SMYD3: variants seen among roughly 807,000 people sequenced by gnomAD.
The protein encoded by SMYD3 is histone-lysine N-methyltransferase SMYD3.
SMYD3 carries 36 observed loss-of-function variants against 57.7 expected under a neutral mutation model. The observed-to-expected ratio is 0.62, with a 90% CI of 0.48 to 0.82. The LOEUF (loss-of-function observed/expected upper bound fraction) is 0.82. SMYD3 is among the 40% of genes least tolerant of loss of function. SMYD3 has a pLI of 0.00. For missense variants in SMYD3, 515 were observed against 538.8 expected, an observed-to-expected ratio of 0.96 and a Z score of 0.44; for synonymous variants, 211 against 195.0, an observed-to-expected ratio of 1.08 and a Z score of -0.68.
At chr1:246,153,546 C>T (rs113711129) in intron 5 of SMYD3, among the ~76,000 whole-genome samples, 1 of 152,218 alleles carries the variant, frequency 6.6e-6, no homozygotes, top group Non-Finnish European at 1.5e-5. Flanking sequence ...TAGCTCACTA[C>T]AGCCTTGAAC....
chr1:246,082,021 G>C (rs879854255), intron 5 of SMYD3, among the ~76,000 whole-genome samples: 1 of 152,168 alleles, frequency 6.6e-6, no homozygotes, highest in East Asian at 1.9e-4. Context: ...GGAATCTGGC[G>C]TGACTAACTT....
rs563020882 is a variant in SMYD3, at chr1:246,338,306, G to A, written c.229-2832C>T. 5.3e-5 allele frequency among the ~76,000 whole-genome samples: 8 copies of A among 152,234 alleles called. No homozygotes were observed. In the East Asian group the frequency reaches 7.7e-4, roughly 15 times the overall value. On this transcript the variant is annotated intron_variant, in intron 2 of 11. Coordinates refer to ENST00000490107, the MANE Select transcript of SMYD3 (RefSeq NM_001167740.2). Reference sequence around the variant, plus strand: ...AAGGCTTACAAAGAAATCTTTTTACGCAGCTCCTTTGACTTTGAAGCAAAA... The same window carrying A: ...AAGGCTTACAAAGAAATCTTTTTACACAGCTCCTTTGACTTTGAAGCAAAA...
intron 5 of SMYD3, among the ~76,000 whole-genome samples, chr1:246,151,409 C>T (rs1268344996): frequency 6.6e-6 from 1 of 151,860 alleles, no homozygotes; most frequent in Non-Finnish European, 1.5e-5. Context: ...GGGTTCATGG[C>T]CAAGGTGTTT....
intron 1 of SMYD3, among the ~76,000 whole-genome samples, chr1:246,415,668 C>G (rs981122285): frequency 6.6e-6 from 1 of 152,192 alleles, no homozygotes; most frequent in African/African-American, 2.4e-5. Flanking sequence ...AAGTGATCCT[C>G]CTGCCTCAGC....
intron 5 of SMYD3, among the ~76,000 whole-genome samples, chr1:246,045,081 C>T (rs971633401): frequency 6.6e-6 from 1 of 152,128 alleles, no homozygotes; most frequent in Non-Finnish European, 1.5e-5. Context: ...CATTCAATGC[C>T]ATCCCCATCA....
intron 5 of SMYD3, among the ~76,000 whole-genome samples, chr1:245,941,799 A>AGGTAT (rs2057255266): frequency 3.9e-5 from 6 of 152,210 alleles, no homozygotes; most frequent in Admixed American, 3.9e-4. Context: ...CTGGGATTAC[A>AGGTAT]GGTATAAGCC....
chr1:246,038,653 A>G (rs2059818835), intron 5 of SMYD3, among the ~76,000 whole-genome samples: 1 of 152,212 alleles, frequency 6.6e-6, no homozygotes, highest in Non-Finnish European at 1.5e-5. Context: ...CACCCATTCT[A>G]TCAGGCTTTG....
At chr1:246,358,405 T>C (rs1355559703) in intron 1 of SMYD3, among the ~76,000 whole-genome samples, 11 of 152,164 alleles carry the variant, frequency 7.2e-5, no homozygotes, top group Non-Finnish European at 1.5e-5. Flanking sequence ...AGATAGGTCA[T>C]CAAGACAGAA....
At chr1:245,840,992 G>A (rs72766659) in intron 10 of SMYD3, among the ~76,000 whole-genome samples, 99 of 152,336 alleles carry the variant, frequency 6.5e-4, no homozygotes, top group Non-Finnish European at 1.0e-3. Flanking sequence ...TTCACAGACC[G>A]TGAGTTGTCC....
At chr1:246,241,552 T>C (rs1012945615) in intron 5 of SMYD3, among the ~76,000 whole-genome samples, 4 of 152,200 alleles carry the variant, frequency 2.6e-5, no homozygotes, top group African/African-American at 9.7e-5. Context: ...TCTAAAATTA[T>C]CTTTTTTTTG....
At chr1:246,449,988 T>G (rs1008302171) in intron 1 of SMYD3, among the ~76,000 whole-genome samples, 24 of 152,132 alleles carry the variant, frequency 1.6e-4, no homozygotes, top group African/African-American at 5.3e-4. Context: ...AACTAGTTCA[T>G]GTAAAATCTC....
At chr1:246,004,270 A>C (rs575460946) in intron 5 of SMYD3, among the ~76,000 whole-genome samples, 43 of 152,328 alleles carry the variant, frequency 2.8e-4, no homozygotes, top group African/African-American at 9.1e-4. Context: ...GATTTGTTTT[A>C]TAAAAATGCA....
intron 1 of SMYD3, among the ~76,000 whole-genome samples, chr1:246,433,697 C>T (rs2067330983): frequency 6.6e-6 from 1 of 152,126 alleles, no homozygotes; most frequent in Non-Finnish European, 1.5e-5. Context: ...AGCCATACTG[C>T]CCAAAGCAAT....
intron 10 of SMYD3, among the ~76,000 whole-genome samples, chr1:245,815,775 C>G (rs181565698): frequency 9.0e-4 from 137 of 152,334 alleles, no homozygotes; most frequent in African/African-American, 3.2e-3. Context: ...CCCTAAGAGA[C>G]AGAAATGAAA....
intron 10 of SMYD3, among the ~76,000 whole-genome samples, chr1:245,800,083 G>C (rs867862356): frequency 6.6e-6 from 1 of 152,134 alleles, no homozygotes; most frequent in Non-Finnish European, 1.5e-5. Context: ...TGGGCCACTT[G>C]TCCTGTCCCG....
At chr1:245,990,042 G>A (rs2058784704) in intron 5 of SMYD3, among the ~76,000 whole-genome samples, 2 of 152,058 alleles carry the variant, frequency 1.3e-5, no homozygotes, top group Admixed American at 1.3e-4. Flanking sequence ...TACGTTTGTT[G>A]TATCTAGCTT....
chr1:246,472,687 C>T lies in SMYD3; in HGVS notation c.164+34367G>A, dbSNP rs933226012. On this transcript the variant is annotated intron_variant, in intron 1 of 11. Coordinates refer to ENST00000490107, the MANE Select transcript of SMYD3 (RefSeq NM_001167740.2). ...TAATCTCGGGAGGTCAAGGCTACCCCGAGCCATGATCACACTACTGCACTC... is the reference window on the plus strand; with the variant it reads ...TAATCTCGGGAGGTCAAGGCTACCCTGAGCCATGATCACACTACTGCACTC... Among the ~76,000 whole-genome samples the T allele has an allele frequency of 3.3e-5, 5 of 151,856 alleles. 1 individual carries two copies. The highest frequency in any genetic ancestry group is 2.1e-4 in the South Asian group (1 of 4,780).
At chr1:245,930,113 C>G (rs1415273231) in intron 5 of SMYD3, 176 bp from the exon 6 acceptor site, 1 of 645,074 alleles carries the variant, frequency 1.6e-6, no homozygotes, top group South Asian at 1.5e-5. Flanking sequence ...GGGATATACT[C>G]CCCCTAAAAA....
At chr1:245,860,731 T>A (rs532647178) in intron 9 of SMYD3, among the ~76,000 whole-genome samples, 1 of 152,142 alleles carries the variant, frequency 6.6e-6, no homozygotes, top group African/African-American at 2.4e-5. Flanking sequence ...CCCCTAGAGG[T>A]TGGGGGAAGC....
Sources: gnomAD v4.1 joint callset for allele counts (sites outside exome capture counted in the v4.1 genomes callset) on GRCh38, gnomAD v4.1.1 for gene constraint, MANE v1.5 for transcripts, NCBI Gene and HGNC (gene_info 2026-07-23, HGNC 2026-07-21) for gene names.